The following COMMD10 variants were observed in gnomAD, a reference collection of about 807,000 sequenced individuals.
COMMD10 encodes the protein COMM domain containing 10.
A neutral mutation model predicts 28.9 loss-of-function variants in COMMD10; 33 were observed. The observed-to-expected ratio is 1.14, with a 90% confidence interval of 0.87 to 1.53. The LOEUF (loss-of-function observed/expected upper bound fraction) is 1.53, where lower values mean the gene tolerates loss of function less well. Ranked by LOEUF, COMMD10 falls within the 40% of genes most tolerant of loss-of-function variation. COMMD10 has a pLI of 0.00. For missense variants in COMMD10, 310 were observed against 233.4 expected, an observed-to-expected ratio of 1.33 and a Z score of -2.14; for synonymous variants, 110 against 81.7, an observed-to-expected ratio of 1.35 and a Z score of -1.87.
chr5:116,220,533 A>G (rs1749223047), intron 5 of COMMD10, among the ~76,000 whole-genome samples: 1 of 152,048 alleles, frequency 6.6e-6, no homozygotes, highest in Non-Finnish European at 1.5e-5. Flanking sequence ...TGAGGTTGGT[A>G]GCCTTGGACT....
At chr5:116,106,110 G>T (rs13185513) in intron 4 of COMMD10, among the ~76,000 whole-genome samples, 92,833 of 135,744 alleles carry the variant, frequency 0.68, 30,350 homozygotes, top group Non-Finnish European at 0.76. Flanking sequence ...TTTTTTTTTT[G>T]TGTGGGCATT....
chr5:116,142,542 G>A (rs79768546), intron 5 of COMMD10, among the ~76,000 whole-genome samples: 3,119 of 151,584 alleles, frequency 0.021, 104 homozygotes, highest in African/African-American at 0.07. Flanking sequence ...ATCATTTTGG[G>A]GAATATACAC....
At chr5:116,218,220 C>A (rs1749154881) in intron 5 of COMMD10, 1 of 759,916 alleles carries the variant, frequency 1.3e-6, no homozygotes, top group South Asian at 1.3e-5. Context: ...GACAACCTTG[C>A]AGATCTTCTC....
At chr5:116,268,163 A>G (rs1453608235) in intron 5 of COMMD10, among the ~76,000 whole-genome samples, 1 of 152,084 alleles carries the variant, frequency 6.6e-6, no homozygotes, top group Middle Eastern at 3.4e-3. Flanking sequence ...TGAACAGGCA[A>G]CCTACAGAAT....
intron 5 of COMMD10, among the ~76,000 whole-genome samples, chr5:116,237,465 T>G (rs1749697863): frequency 6.6e-6 from 1 of 151,936 alleles, no homozygotes; most frequent in African/African-American, 2.4e-5. Context: ...TTCATAAACT[T>G]GAAAAAAAAT....
intron 5 of COMMD10, among the ~76,000 whole-genome samples, chr5:116,181,229 G>C (rs10077013): frequency 1.3e-5 from 2 of 151,684 alleles, no homozygotes; most frequent in Admixed American, 6.6e-5. Context: ...GTACTTCTCT[G>C]TTGGATTACA....
intron 5 of COMMD10, among the ~76,000 whole-genome samples, chr5:116,210,761 C>T (rs1316839321): frequency 2.6e-5 from 4 of 152,084 alleles, no homozygotes; most frequent in South Asian, 2.1e-4. Flanking sequence ...ATTTACTATA[C>T]GATCTTGTCC....
rs188226142 is a variant in COMMD10, at chr5:116,092,274, T to C, written c.244-271T>C. On this transcript the variant is annotated intron_variant, in intron 3 of 6. Coordinates refer to ENST00000274458, the MANE Select transcript of COMMD10 (RefSeq NM_016144.4). ...TACATAGCCAAAGCAAAGAAGAAGT[T>C]TTTTGGTTTTTAAGTGGATTTAGGA... 5.6e-3 allele frequency among the ~76,000 whole-genome samples: 854 copies of C among 152,250 alleles called. 7 individuals carry two copies. The highest frequency in any genetic ancestry group is 0.02 in the African/African-American group (815 of 41,550).
chr5:116,182,734 C>A (rs1228218513), intron 5 of COMMD10, among the ~76,000 whole-genome samples: 1 of 151,972 alleles, frequency 6.6e-6, no homozygotes, highest in Non-Finnish European at 1.5e-5. Flanking sequence ...ATCAGGTTGT[C>A]CAGAAAATAA....
At chr5:116,166,118 A>G (rs1258981831) in intron 5 of COMMD10, among the ~76,000 whole-genome samples, 1 of 150,454 alleles carries the variant, frequency 6.6e-6, no homozygotes, top group African/African-American at 2.5e-5. Context: ...CTATAGTTTT[A>G]GTCCTTGGCA....
At chr5:116,290,636 A>G (rs1280134833) in intron 5 of COMMD10, among the ~76,000 whole-genome samples, 1 of 151,924 alleles carries the variant, frequency 6.6e-6, no homozygotes, top group Non-Finnish European at 1.5e-5. Flanking sequence ...TCAGTTTTCT[A>G]CTTCTTTAGT....
At chr5:116,181,516 A>C (rs1188825861) in intron 5 of COMMD10, among the ~76,000 whole-genome samples, 3 of 151,208 alleles carry the variant, frequency 2.0e-5, no homozygotes, top group Non-Finnish European at 4.4e-5. Context: ...TGAGTCATAG[A>C]TTTTTTTAAA....
At chr5:116,283,217 C>T (rs1751121226) in intron 5 of COMMD10, among the ~76,000 whole-genome samples, 1 of 151,830 alleles carries the variant, frequency 6.6e-6, no homozygotes, top group South Asian at 2.1e-4. Context: ...ACAACAAAAA[C>T]GATGACAGCA....
At chr5:116,247,666 A>G (rs946425504) in intron 5 of COMMD10, among the ~76,000 whole-genome samples, 6 of 152,060 alleles carry the variant, frequency 3.9e-5, no homozygotes, top group Admixed American at 1.3e-4. Flanking sequence ...TTGCAGGGAC[A>G]TGGATGGAGC....
At position 116,180,991 on chromosome 5, in the gene COMMD10, A is replaced by C. The variant is rs1377801653; in HGVS notation, c.510+46813A>C. On this transcript the variant is annotated intron_variant, in intron 5 of 6. Transcript: ENST00000274458. The stretch of plus-strand genomic sequence containing the variant: ...AACATGGTGAAACCCTGTTTCTACA[A>C]AAATTACCTGGGCATGATGACACAC... Among the ~76,000 whole-genome samples, 5 of 152,018 alleles carry C rather than the reference A, an allele frequency of 3.3e-5. No homozygotes were observed. The East Asian group carries it at 9.7e-4, about 29-fold the overall frequency.
intron 5 of COMMD10, among the ~76,000 whole-genome samples, chr5:116,280,926 T>A (rs1009537040): frequency 6.6e-6 from 1 of 151,900 alleles, no homozygotes; most frequent in Admixed American, 6.6e-5. Context: ...CTCTGCCTTT[T>A]ATTTCTGTAA....
chr5:116,162,355 C>T (rs144525676), intron 5 of COMMD10, among the ~76,000 whole-genome samples: 3 of 151,118 alleles, frequency 2.0e-5, no homozygotes, highest in African/African-American at 4.9e-5. Context: ...TTTCATTGAC[C>T]TATTTAAATT....
chr5:116,194,497 C>T (rs1450333355), intron 5 of COMMD10, among the ~76,000 whole-genome samples: 1 of 152,076 alleles, frequency 6.6e-6, no homozygotes, highest in Non-Finnish European at 1.5e-5. Context: ...TTACAACTGA[C>T]ACTCCTGAAC....
rs147220166 is a variant in COMMD10, at chr5:116,110,580, C to A, written c.399+17880C>A. ...TCAGGCTTTCTGTTTCTTCTTTGTTCAATCTTGGGAGGTTGTGTATTAGTC... is the reference window on the plus strand; with the variant it reads ...TCAGGCTTTCTGTTTCTTCTTTGTTAAATCTTGGGAGGTTGTGTATTAGTC... On this transcript the variant is annotated intron_variant, in intron 4 of 6. Coordinates refer to ENST00000274458, the MANE Select transcript of COMMD10 (RefSeq NM_016144.4). Among the ~76,000 whole-genome samples the A allele has an allele frequency of 1.9e-3, 290 of 152,222 alleles. 2 individuals carry two copies. The highest frequency in any genetic ancestry group is 6.6e-3 in the African/African-American group (274 of 41,524).
Sources: allele counts gnomAD v4.1 joint callset (sites outside exome capture counted in the v4.1 genomes callset), GRCh38; gene constraint gnomAD v4.1.1; transcripts MANE v1.5; gene names NCBI Gene and HGNC (gene_info 2026-07-23, HGNC 2026-07-21).